DNAH7: variants seen among roughly 807,000 people sequenced by gnomAD.
DNAH7 encodes dynein axonemal heavy chain 7, also known as axonemal beta dynein heavy chain 7.
A neutral mutation model predicts 444.6 loss-of-function variants in DNAH7; 397 were observed. The ratio of observed to expected loss-of-function variants is 0.89; its 90% CI spans 0.82 to 0.97. The LOEUF (loss-of-function observed/expected upper bound fraction) is 0.97, where lower values mean the gene tolerates loss of function less well. DNAH7 is among the 50% of genes least tolerant of loss of function. DNAH7 has a pLI of 0.00. For missense variants in DNAH7, 4,902 were observed against 4,800.8 expected, an observed-to-expected ratio of 1.02 and a Z score of -0.62; for synonymous variants, 1,636 against 1,624.4, an observed-to-expected ratio of 1.01 and a Z score of -0.17.
At chr2:195,771,143 A>G (rs1163975280) in intron 61 of DNAH7, among the ~76,000 whole-genome samples, 1 of 151,680 alleles carries the variant, frequency 6.6e-6, no homozygotes, top group Non-Finnish European at 1.5e-5. Context: ...GGATGGCGAG[A>G]CCCCATCTCT....
intron 48 of DNAH7, among the ~76,000 whole-genome samples, chr2:195,830,324 G>C (rs1341026126): frequency 6.6e-6 from 1 of 152,178 alleles, no homozygotes; most frequent in Non-Finnish European, 1.5e-5. Context: ...CTTAGCAACA[G>C]AAACATAATG....
At chr2:195,973,360 C>T (rs960600167) in intron 15 of DNAH7, among the ~76,000 whole-genome samples, 6 of 152,086 alleles carry the variant, frequency 3.9e-5, no homozygotes, top group African/African-American at 1.2e-4. Context: ...GGGTATTGGG[C>T]GCGTGGGAAT....
chr2:195,931,943 T>C (rs1420073096), intron 21 of DNAH7, among the ~76,000 whole-genome samples: 2 of 152,214 alleles, frequency 1.3e-5, no homozygotes, highest in Non-Finnish European at 2.9e-5. Flanking sequence ...AAAGTAGTTT[T>C]TTCCAATTCT....
chr2:196,039,868 T>C (rs1212297043), intron 5 of DNAH7, among the ~76,000 whole-genome samples: 1 of 150,792 alleles, frequency 6.6e-6, no homozygotes, highest in African/African-American at 2.4e-5. Context: ...AACCACTAAC[T>C]AGACTAAGAA....
chr2:195,778,677 C>CACACACATATATATACACACATATATAT (rs1443387230), intron 58 of DNAH7, among the ~76,000 whole-genome samples: 1 of 76,956 alleles, frequency 1.3e-5, no homozygotes, highest in African/African-American at 7.3e-5. Context: ...TATACACACA[C>CACACACATATATATACACACATATATAT]ACACATATAT....
chr2:196,016,913 TA>T (rs1299472608), intron 9 of DNAH7, among the ~76,000 whole-genome samples: 2 of 152,196 alleles, frequency 1.3e-5, no homozygotes, highest in Non-Finnish European at 2.9e-5. Context: ...AAAATCTATA[TA>T]AAAATTACGA....
chr2:195,869,225 A>G (rs1468884936), intron 40 of DNAH7, among the ~76,000 whole-genome samples: 3 of 151,806 alleles, frequency 2.0e-5, no homozygotes, highest in Non-Finnish European at 2.9e-5. Flanking sequence ...AAGAGGGGCC[A>G]GGCTCCTCCC....
intron 1 of DNAH7, among the ~76,000 whole-genome samples, chr2:196,059,625 G>T (rs1243563252): frequency 6.6e-6 from 1 of 152,210 alleles, no homozygotes; most frequent in East Asian, 1.9e-4. Flanking sequence ...TCTGTGGTGT[G>T]AGGCTAACTC....
At chr2:195,742,411 C>CT (rs1459004336) in intron 63 of DNAH7, among the ~76,000 whole-genome samples, 13 of 152,202 alleles carry the variant, frequency 8.5e-5, no homozygotes, top group African/African-American at 3.1e-4. Flanking sequence ...TTAGTTATTC[C>CT]TCATTTGGGA....
At chr2:195,778,681 C>CAT (rs1185211093) in intron 58 of DNAH7, among the ~76,000 whole-genome samples, 4 of 96,142 alleles carry the variant, frequency 4.2e-5, no homozygotes, top group East Asian at 3.4e-4. Context: ...CACACACACA[C>CAT]ATATATATAC....
chr2:195,978,826 A>G (rs1692371614), intron 15 of DNAH7, among the ~76,000 whole-genome samples: 1 of 152,170 alleles, frequency 6.6e-6, no homozygotes, highest in Non-Finnish European at 1.5e-5. Context: ...TAAGAGACAA[A>G]GAAGGTCATT....
At chr2:195,929,014 C>T (rs1233580800) in intron 21 of DNAH7, among the ~76,000 whole-genome samples, 1 of 152,120 alleles carries the variant, frequency 6.6e-6, no homozygotes, top group Non-Finnish European at 1.5e-5. Flanking sequence ...TGATAAATGA[C>T]TTCAGTAAAG....
At chr2:195,906,545 C>T in intron 27 of DNAH7, 114 bp downstream of exon 27, 1 of 919,400 alleles carries the variant, frequency 1.1e-6, no homozygotes, top group Middle Eastern at 3.8e-4. Flanking sequence ...CCCACCACCT[C>T]AGCCTCCTAA....
intron 46 of DNAH7, among the ~76,000 whole-genome samples, chr2:195,850,705 A>T (rs1574562154): frequency 6.6e-6 from 1 of 152,144 alleles, no homozygotes; most frequent in South Asian, 2.1e-4. Context: ...AAAAGCACCA[A>T]ATGTTGTAAG....
intron 24 of DNAH7, among the ~76,000 whole-genome samples, chr2:195,915,435 G>A (rs944259871): frequency 5.9e-5 from 9 of 152,156 alleles, no homozygotes; most frequent in African/African-American, 2.2e-4. Flanking sequence ...GGAATACTGA[G>A]TCCAATAGAC....
chr2:196,047,638 T>TG (rs1697220715), intron 4 of DNAH7, 139 bp from the exon 5 acceptor site: 2 of 671,640 alleles, frequency 3.0e-6, no homozygotes. Flanking sequence ...TAATTTTTTT[T>TG]TTTTACTATC....
chr2:195,781,519 T>C (rs1695372996), intron 58 of DNAH7, among the ~76,000 whole-genome samples: 1 of 152,132 alleles, frequency 6.6e-6, no homozygotes. Flanking sequence ...CTAGAAATAG[T>C]GGCAGTTTGC....
intron 6 of DNAH7, 116 bp from the exon 7 acceptor site, chr2:196,027,056 A>T (rs1695733955): frequency 6.8e-6 from 5 of 730,274 alleles, no homozygotes; most frequent in Non-Finnish European, 1.1e-5. Flanking sequence ...ATAAAGCATA[A>T]AAAAGTATTT....
intron 60 of DNAH7, 130 bp from the exon 61 acceptor site, chr2:195,772,020 C>T: frequency 3.9e-6 from 3 of 763,184 alleles, no homozygotes; most frequent in South Asian, 1.7e-5. Context: ...TCCATCTCCA[C>T]ACAAGATTTA....
Sources: allele counts gnomAD v4.1 joint callset (sites outside exome capture counted in the v4.1 genomes callset), GRCh38; gene constraint gnomAD v4.1.1; transcripts MANE v1.5; gene names NCBI Gene and HGNC (gene_info 2026-07-23, HGNC 2026-07-21).